NBEA: variants seen among roughly 807,000 people sequenced by gnomAD.
NBEA encodes the protein neurobeachin.
A neutral mutation model predicts 343.4 loss-of-function variants in NBEA; 44 were observed. The ratio of observed to expected loss-of-function variants is 0.13; its 90% CI spans 0.10 to 0.16. The LOEUF (loss-of-function observed/expected upper bound fraction) is 0.16, where lower values mean the gene tolerates loss of function less well. Ranked by LOEUF, NBEA falls within the 10% of genes least tolerant of loss-of-function variation. The pLI is 1.00. For missense variants in NBEA, 2,555 were observed against 3,631.3 expected (o/e 0.70, Z 7.62); for synonymous variants, 1,175 against 1,238.7 (o/e 0.95, Z 1.08).
intron 30 of NBEA, among the ~76,000 whole-genome samples, chr13:35,184,872 A>G (rs371041316): frequency 1.2e-4 from 18 of 152,282 alleles, no homozygotes; most frequent in African/African-American, 4.3e-4. Context: ...ATTCTGTGAT[A>G]GCTCCAAGAT....
chr13:35,144,120 G>C (rs986289772), intron 18 of NBEA, among the ~76,000 whole-genome samples: 1 of 152,062 alleles, frequency 6.6e-6, no homozygotes, highest in Non-Finnish European at 1.5e-5. Context: ...GTTTCTTTGG[G>C]TTCTTTTAAG....
intron 34 of NBEA, among the ~76,000 whole-genome samples, chr13:35,288,332 G>A (rs2035577909): frequency 6.6e-6 from 1 of 151,782 alleles, no homozygotes; most frequent in South Asian, 2.1e-4. Flanking sequence ...GCCTCTGCTT[G>A]TGTTCTCAAT....
At chr13:35,513,281 C>T (rs9574068) in intron 41 of NBEA, among the ~76,000 whole-genome samples, 17,513 of 144,252 alleles carry the variant, frequency 0.12, 1,359 homozygotes, top group East Asian at 0.43. Flanking sequence ...GAATTACAGG[C>T]GCCTGCCACC....
At chr13:35,376,648 G>A (rs1003030752) in intron 38 of NBEA, among the ~76,000 whole-genome samples, 10 of 152,066 alleles carry the variant, frequency 6.6e-5, no homozygotes, top group East Asian at 3.8e-4. Flanking sequence ...CTAGGAGGCC[G>A]GAGTCTTAGG....
intron 1 of NBEA, among the ~76,000 whole-genome samples, chr13:35,007,508 T>G (rs145428642): frequency 5.3e-5 from 8 of 152,282 alleles, no homozygotes; most frequent in Admixed American, 5.2e-4. Flanking sequence ...TTTGTTAGTT[T>G]TTGAACTGGG....
intron 28 of NBEA, 91 bp downstream of exon 28, chr13:35,177,194 A>T: frequency 1.1e-6 from 1 of 948,090 alleles, no homozygotes; most frequent in Non-Finnish European, 1.6e-6. Flanking sequence ...TATGAAAACG[A>T]CATTCCCTAG....
intron 34 of NBEA, among the ~76,000 whole-genome samples, chr13:35,258,169 CA>C (rs1329741741): frequency 2.0e-5 from 3 of 146,984 alleles, no homozygotes; most frequent in Middle Eastern, 3.6e-3. Flanking sequence ...CAGTCTTTGT[CA>C]TTTTTTTTTT....
intron 10 of NBEA, among the ~76,000 whole-genome samples, chr13:35,079,872 A>G (rs529918082): frequency 6.6e-6 from 1 of 152,076 alleles, no homozygotes; most frequent in East Asian, 1.9e-4. Flanking sequence ...GCAACTATTC[A>G]TTTTCACGTA....
intron 41 of NBEA, among the ~76,000 whole-genome samples, chr13:35,488,455 G>A (rs926587650): frequency 2.0e-5 from 3 of 151,652 alleles, no homozygotes; most frequent in African/African-American, 7.3e-5. Flanking sequence ...ATGTATTTTG[G>A]CATTTATCAA....
intron 1 of NBEA, among the ~76,000 whole-genome samples, chr13:34,989,550 A>G (rs564887012): frequency 1.3e-5 from 2 of 150,902 alleles, no homozygotes; most frequent in South Asian, 4.2e-4. Flanking sequence ...GCAAAGGGGA[A>G]GTCTGCCTCC....
intron 47 of NBEA, among the ~76,000 whole-genome samples, chr13:35,605,649 G>C (rs1197526819): frequency 6.6e-6 from 1 of 151,898 alleles, no homozygotes; most frequent in Non-Finnish European, 1.5e-5. Flanking sequence ...AAACTTTCAG[G>C]GTATTAAAAT....
intron 31 of NBEA, among the ~76,000 whole-genome samples, chr13:35,205,371 T>C (rs560703084): frequency 1.3e-5 from 2 of 152,278 alleles, no homozygotes; most frequent in East Asian, 3.9e-4. Context: ...ATAAAAATTA[T>C]CAGAGATTTT....
chr13:35,419,390 A>G (rs1441840237), intron 38 of NBEA, among the ~76,000 whole-genome samples: 4 of 152,178 alleles, frequency 2.6e-5, no homozygotes, highest in African/African-American at 9.6e-5. Context: ...CACTAATCCC[A>G]TTCACAAGCG....
intron 26 of NBEA, among the ~76,000 whole-genome samples, chr13:35,172,204 G>T (rs192441042): frequency 1.2e-4 from 19 of 152,018 alleles, no homozygotes; most frequent in African/African-American, 4.3e-4. Context: ...ATTCCTTTCT[G>T]ATTCAAGAAA....
At chr13:35,606,871 T>C (rs1029043329) in intron 48 of NBEA, among the ~76,000 whole-genome samples, 1 of 152,178 alleles carries the variant, frequency 6.6e-6, no homozygotes, top group African/African-American at 2.4e-5. Context: ...TAATGTATTC[T>C]AAAGTGCTTA....
At chr13:35,474,428 G>A (rs2075777429) in intron 41 of NBEA, 1 of 152,568 alleles carries the variant, frequency 6.6e-6, no homozygotes, top group African/African-American at 2.4e-5. Flanking sequence ...AGCAATATTT[G>A]AAACAAAATG....
rs559037133 is a variant in NBEA, at chr13:35,506,900, A to T, written c.6585+34364A>T. 3.9e-5 allele frequency among the ~76,000 whole-genome samples: 6 copies of T among 152,244 alleles called. No individual in the cohort carries two copies. The South Asian group carries it at 1.0e-3, about 26-fold the overall frequency. Reference sequence around the variant, plus strand: ...ACATTATAGGACTCCTTTCTTGAACATCCCTTTTAATATCCATCCATTTTG... The same window carrying T: ...ACATTATAGGACTCCTTTCTTGAACTTCCCTTTTAATATCCATCCATTTTG... On this transcript the variant is annotated intron_variant, in intron 41 of 58. Coordinates refer to ENST00000379939, the MANE Select transcript of NBEA (RefSeq NM_001385012.1).
chr13:35,472,373 C>G, intron 40 of NBEA, 27 bp from the exon 41 acceptor site: 1 of 1,607,390 alleles, frequency 6.2e-7, no homozygotes, highest in Non-Finnish European at 8.5e-7. Context: ...GGGGCTCAGC[C>G]TGACTCCCCT....
At chr13:35,572,713 T>TTTGTTG (rs151081649) in intron 45 of NBEA, among the ~76,000 whole-genome samples, 17 of 150,360 alleles carry the variant, frequency 1.1e-4, no homozygotes, top group African/African-American at 2.7e-4. Flanking sequence ...GCAAGTTGGG[T>TTTGTTG]TTGTTGTTGT....
Sources: allele counts gnomAD v4.1 joint callset (sites outside exome capture counted in the v4.1 genomes callset), GRCh38; gene constraint gnomAD v4.1.1; transcripts MANE v1.5; gene names NCBI Gene and HGNC (gene_info 2026-07-23, HGNC 2026-07-21).